Variants in AGBL1 observed in about 807,000 individuals in gnomAD.
AGBL1 encodes AGBL carboxypeptidase 1, also known as cytosolic carboxypeptidase 4.
AGBL1 carries 130 observed loss-of-function variants against 118.9 expected under a neutral mutation model. That is an observed-to-expected ratio of 1.09 (90% confidence interval 0.95 to 1.26). The LOEUF (loss-of-function observed/expected upper bound fraction) is 1.26, where lower values mean the gene tolerates loss of function less well. AGBL1 is among the 50% of genes most tolerant of loss of function. The pLI is 0.00. For missense variants in AGBL1, 1,584 were observed against 1,298.1 expected, an observed-to-expected ratio of 1.22 and a Z score of -3.38; for synonymous variants, 555 against 478.9, an observed-to-expected ratio of 1.16 and a Z score of -2.08.
chr15:86,672,917 T>C (rs1021405890), intron 21 of AGBL1, among the ~76,000 whole-genome samples: 2 of 152,180 alleles, frequency 1.3e-5, no homozygotes, highest in African/African-American at 2.4e-5. Context: ...TTTCTACCTT[T>C]TTAATGCTTT....
At chr15:86,972,989 G>A (rs74025715) in intron 23 of AGBL1, among the ~76,000 whole-genome samples, 3 of 151,768 alleles carry the variant, frequency 2.0e-5, no homozygotes, top group African/African-American at 7.3e-5. Context: ...TAAGAACAAA[G>A]AATTTGGATC....
chr15:86,955,523 A>G (rs1012540224), intron 23 of AGBL1, among the ~76,000 whole-genome samples: 1 of 152,112 alleles, frequency 6.6e-6, no homozygotes, highest in Admixed American at 6.5e-5. Context: ...TGAACAGAAT[A>G]GAGAAAGAAA....
At chr15:86,097,089 C>A (rs898426133) in intron 1 of AGBL1, among the ~76,000 whole-genome samples, 5 of 152,184 alleles carry the variant, frequency 3.3e-5, no homozygotes, top group Admixed American at 1.3e-4. Context: ...AGGTCACCAT[C>A]AGGAGCAGAG....
At chr15:86,654,672 TG>T (rs141151623) in intron 21 of AGBL1, among the ~76,000 whole-genome samples, 2,739 of 152,266 alleles carry the variant, frequency 0.018, 44 homozygotes, top group Non-Finnish European at 0.03. Flanking sequence ...CATCCCCTTT[TG>T]TTTCAAACCT....
At chr15:86,803,469 G>A (rs1208301804) in intron 22 of AGBL1, among the ~76,000 whole-genome samples, 1 of 152,082 alleles carries the variant, frequency 6.6e-6, no homozygotes, top group Non-Finnish European at 1.5e-5. Context: ...TTTCTTTATA[G>A]CAGTGTGAAA....
At chr15:86,519,630 A>G (rs1049693586) in intron 18 of AGBL1, among the ~76,000 whole-genome samples, 12 of 152,194 alleles carry the variant, frequency 7.9e-5, no homozygotes, top group African/African-American at 2.9e-4. Context: ...AGATACAGGG[A>G]CTGCCAAAGC....
At chr15:86,390,482 C>G (rs1235721852) in intron 17 of AGBL1, among the ~76,000 whole-genome samples, 1 of 151,906 alleles carries the variant, frequency 6.6e-6, no homozygotes, top group Admixed American at 6.6e-5. Flanking sequence ...GGAAAGAACT[C>G]AAATGTCTAT....
intron 23 of AGBL1, among the ~76,000 whole-genome samples, chr15:86,924,813 C>T (rs550222922): frequency 6.6e-6 from 1 of 152,108 alleles, no homozygotes; most frequent in African/African-American, 2.4e-5. Context: ...CGGTAACTCA[C>T]ACCTGTAATC....
At chr15:86,380,810 G>C (rs2081104315) in intron 17 of AGBL1, among the ~76,000 whole-genome samples, 1 of 152,172 alleles carries the variant, frequency 6.6e-6, no homozygotes, top group African/African-American at 2.4e-5. Context: ...CCTCTTTGGA[G>C]CCACATCTCT....
intron 21 of AGBL1, among the ~76,000 whole-genome samples, chr15:86,667,968 C>G (rs925314506): frequency 3.3e-5 from 5 of 152,146 alleles, no homozygotes; most frequent in Admixed American, 2.6e-4. Context: ...TCTGGTGAGG[C>G]CTCAGGGAGC....
intron 21 of AGBL1, among the ~76,000 whole-genome samples, chr15:86,566,978 G>A (rs547664711): frequency 3.3e-5 from 5 of 152,158 alleles, no homozygotes; most frequent in East Asian, 3.9e-4. Context: ...CCTACTTCAT[G>A]GAGATGCTAT....
intron 24 of AGBL1, chr15:86,988,286 CAAAT>C (rs1200140299): frequency 1.8e-6 from 1 of 554,050 alleles, no homozygotes; most frequent in Non-Finnish European, 3.1e-6. Context: ...TACATTCACA[CAAAT>C]GAATACGATT....
chr15:86,205,451 A>C (rs1416518150), intron 5 of AGBL1, among the ~76,000 whole-genome samples: 1 of 152,226 alleles, frequency 6.6e-6, no homozygotes, highest in Non-Finnish European at 1.5e-5. Flanking sequence ...TGAGTTTTTA[A>C]CCCATTTAGG....
chr15:87,019,389 A>G (rs56299514), intron 24 of AGBL1, among the ~76,000 whole-genome samples: 58,381 of 151,772 alleles, frequency 0.38, 11,731 homozygotes, highest in East Asian at 0.51. Flanking sequence ...CCTCAGCAAA[A>G]GCAATGTTAT....
intron 21 of AGBL1, among the ~76,000 whole-genome samples, chr15:86,643,159 G>T (rs1368092604): frequency 6.6e-6 from 1 of 152,046 alleles, no homozygotes. Context: ...AGATGGGCTG[G>T]CTCCTTATAA....
intron 18 of AGBL1, among the ~76,000 whole-genome samples, chr15:86,495,003 A>T (rs1246650078): frequency 6.6e-6 from 1 of 151,674 alleles, no homozygotes; most frequent in South Asian, 2.1e-4. Context: ...CTTTGAATCC[A>T]TTCACAATCC....
At position 86,269,926 on chromosome 15, in the gene AGBL1, T is replaced by C; in HGVS notation, c.1846T>C (p.Tyr616His). The C allele has an allele frequency of 6.2e-7, 1 of 1,613,686 alleles. No homozygotes were observed. Among genetic ancestry groups the C allele is most frequent in the South Asian group, 1.1e-5 (1 of 91,020 alleles). The stretch of plus-strand genomic sequence containing the variant: ...CTTGCTTCTGATCTGCAGGTTCGAG[T>C]ATGACTTGCTGGTCAACGCAGATGT... ...RKAIQVREFE[Y>H]DLLVNADVNS... Residue 616 changes from tyrosine (Y) to histidine (H), a missense_variant, in exon 14 of 23, where the codon TAT (tyrosine) becomes CAT (histidine). Tyr to His is a moderately conservative substitution (Grantham distance 83). Coordinates refer to ENST00000614907, the MANE Select transcript of AGBL1 (RefSeq NM_001386094.1).
chr15:86,323,856 A>C (rs1249063677), intron 17 of AGBL1, among the ~76,000 whole-genome samples: 1 of 151,864 alleles, frequency 6.6e-6, no homozygotes, highest in African/African-American at 2.4e-5. Context: ...ACCACTACTG[A>C]CCTCTCTTCA....
intron 21 of AGBL1, among the ~76,000 whole-genome samples, chr15:86,626,895 T>C (rs955647890): frequency 6.7e-6 from 1 of 150,054 alleles, no homozygotes; most frequent in Non-Finnish European, 1.5e-5. Context: ...TGGAGTGCAG[T>C]GGCACAATCT....
Sources: gnomAD v4.1 joint callset for allele counts (sites outside exome capture counted in the v4.1 genomes callset) on GRCh38, gnomAD v4.1.1 for gene constraint, MANE v1.5 for transcripts, NCBI Gene and HGNC (gene_info 2026-07-23, HGNC 2026-07-21) for gene names.